Variants in DLGAP2 observed in about 807,000 individuals in gnomAD.
DLGAP2 encodes disks large-associated protein 2.
Under a neutral mutation model 100.3 loss-of-function variants are expected in DLGAP2, and 26 were observed. That is an observed-to-expected ratio of 0.26 (90% CI 0.19 to 0.36). The LOEUF is 0.36. Among genes scored for constraint, DLGAP2 ranks in the 10% least tolerant of loss-of-function variants. The pLI, the probability that DLGAP2 is intolerant of heterozygous loss-of-function variation, is 1.00. For missense variants in DLGAP2, 1,858 were observed against 1,453.2 expected (o/e 1.28, Z -4.53); for synonymous variants, 886 against 630.1 (o/e 1.41, Z -6.08).
intron 3 of DLGAP2, among the ~76,000 whole-genome samples, chr8:1,353,082 GA>G (rs1801771869): frequency 6.6e-6 from 1 of 152,162 alleles, no homozygotes; most frequent in Admixed American, 6.5e-5. Context: ...AAGAAACGAC[GA>G]AGGACCCCCC....
At chr8:1,319,107 C>T (rs146044840) in intron 3 of DLGAP2, among the ~76,000 whole-genome samples, 22 of 152,150 alleles carry the variant, frequency 1.4e-4, no homozygotes, top group South Asian at 2.1e-4. Context: ...CTGAGGTCTC[C>T]GAGGGCTGGA....
chr8:790,718 C>T (rs1470200315), intron 1 of DLGAP2, among the ~76,000 whole-genome samples: 1 of 152,170 alleles, frequency 6.6e-6, no homozygotes, highest in Non-Finnish European at 1.5e-5. Flanking sequence ...GGCTATTTCT[C>T]ATTTTCACCT....
At chr8:1,071,945 G>C (rs539053880) in intron 2 of DLGAP2, among the ~76,000 whole-genome samples, 1 of 152,204 alleles carries the variant, frequency 6.6e-6, no homozygotes, top group African/African-American at 2.4e-5. Context: ...GGGTGGTTTG[G>C]GTGCCGTGCT....
At chr8:1,410,097 C>A (rs1379009864) in intron 3 of DLGAP2, among the ~76,000 whole-genome samples, 1 of 152,154 alleles carries the variant, frequency 6.6e-6, no homozygotes, top group African/African-American at 2.4e-5. Context: ...GGTGTCCTCC[C>A]CAGGAATGCC....
chr8:1,640,250 G>A (rs746802940), intron 8 of DLGAP2, among the ~76,000 whole-genome samples: 4 of 152,112 alleles, frequency 2.6e-5, no homozygotes, highest in East Asian at 1.9e-4. Context: ...GCTGATGGAC[G>A]CTGTGTGCAG....
intron 1 of DLGAP2, among the ~76,000 whole-genome samples, chr8:762,889 G>GCA (rs993657799): frequency 3.3e-5 from 5 of 152,030 alleles, no homozygotes; most frequent in African/African-American, 1.2e-4. Flanking sequence ...TATTGCTCAG[G>GCA]CTGGTCTCCT....
At chr8:1,580,408 T>C (rs1286570954) in intron 6 of DLGAP2, among the ~76,000 whole-genome samples, 1 of 152,104 alleles carries the variant, frequency 6.6e-6, no homozygotes, top group Non-Finnish European at 1.5e-5. Context: ...GATAGGTTCA[T>C]GGAAATTACC....
intron 2 of DLGAP2, among the ~76,000 whole-genome samples, chr8:1,235,486 A>G (rs1215161759): frequency 1.2e-4 from 14 of 114,140 alleles, no homozygotes; most frequent in Admixed American, 1.7e-4. Flanking sequence ...CTAGTTCTCT[A>G]TCACACATAG....
intron 12 of DLGAP2, chr8:1,680,975 A>G (rs1476100417): frequency 6.6e-6 from 1 of 152,240 alleles, no homozygotes; most frequent in East Asian, 1.9e-4. Context: ...CCTGCATGTC[A>G]CTCAATCAAG....
At chr8:1,177,163 A>G (rs1453346907) in intron 2 of DLGAP2, among the ~76,000 whole-genome samples, 2 of 152,166 alleles carry the variant, frequency 1.3e-5, no homozygotes, top group Admixed American at 6.6e-5. Flanking sequence ...CCAGCACCCC[A>G]TGAATGAAGA....
chr8:1,624,352 C>T (rs1456934404), intron 6 of DLGAP2, among the ~76,000 whole-genome samples: 3 of 151,988 alleles, frequency 2.0e-5, no homozygotes, highest in South Asian at 2.1e-4. Context: ...AAGTTAAGAG[C>T]CTCAGTCAGG....
intron 1 of DLGAP2, among the ~76,000 whole-genome samples, chr8:752,143 C>G (rs993558273): frequency 6.6e-6 from 1 of 152,186 alleles, no homozygotes; most frequent in Non-Finnish European, 1.5e-5. Context: ...GCCTGCACCC[C>G]CTTCTCCCTT....
At chr8:1,368,276 GTGTA>G (rs760830267) in intron 3 of DLGAP2, among the ~76,000 whole-genome samples, 27 of 151,950 alleles carry the variant, frequency 1.8e-4, no homozygotes, top group African/African-American at 2.4e-4. Context: ...GCAGGTATGT[GTGTA>G]TGTGTGTGTA....
At chr8:1,586,688 G>A (rs1196420285) in intron 6 of DLGAP2, among the ~76,000 whole-genome samples, 1 of 152,222 alleles carries the variant, frequency 6.6e-6, no homozygotes, top group Non-Finnish European at 1.5e-5. Flanking sequence ...TCCTTCTGTG[G>A]CGGACTCTAG....
chr8:1,382,171 T>C (rs1384176978), intron 3 of DLGAP2, among the ~76,000 whole-genome samples: 1 of 152,226 alleles, frequency 6.6e-6, no homozygotes, highest in Admixed American at 6.5e-5. Flanking sequence ...GTTTGTTACA[T>C]GTATTACATG....
At chr8:809,795 G>T (rs1796338163) in intron 1 of DLGAP2, among the ~76,000 whole-genome samples, 1 of 152,162 alleles carries the variant, frequency 6.6e-6, no homozygotes, top group Admixed American at 6.6e-5. Context: ...TTCTCCCGGT[G>T]TCCTAAGGTG....
intron 3 of DLGAP2, among the ~76,000 whole-genome samples, chr8:1,332,825 C>T (rs1801188936): frequency 6.6e-6 from 1 of 152,160 alleles, no homozygotes; most frequent in Non-Finnish European, 1.5e-5. Context: ...ATCAGCGTAG[C>T]CGGGATGAAT....
At chr8:1,458,887 G>T (rs1798393460) in intron 3 of DLGAP2, among the ~76,000 whole-genome samples, 1 of 152,200 alleles carries the variant, frequency 6.6e-6, no homozygotes, top group Non-Finnish European at 1.5e-5. Context: ...TGTAGGCTGT[G>T]CTAGGGCCTC....
At position 1,626,796 on chromosome 8, in the gene DLGAP2, C is replaced by T; in HGVS notation, c.1499C>T (p.Ala500Val). 1 of 1,603,538 alleles carries T rather than the reference C, an allele frequency of 6.2e-7. No individual in the cohort carries two copies. The highest frequency in any genetic ancestry group is 8.5e-7 in the Non-Finnish European group (1 of 1,175,466). ...CCTGTGGGACACAGCCTGGACCCCG[C>T]TGCGAACTACAACTCCCCGAAATTC... Reference protein sequence around the residue: ...DVPVGHSLDPAANYNSPKFRS... With the variant: ...DVPVGHSLDPVANYNSPKFRS... The change falls in exon 7 of 15, where the codon GCT becomes GTT. Residue 500 changes from alanine (A) to valine (V), a missense_variant. By Grantham distance (64) the Ala-to-Val change is moderately conservative. Coordinates refer to ENST00000637795, the MANE Select transcript of DLGAP2 (RefSeq NM_001346810.2).
Sources: gnomAD v4.1 joint callset for allele counts (sites outside exome capture counted in the v4.1 genomes callset) on GRCh38, gnomAD v4.1.1 for gene constraint, MANE v1.5 for transcripts, NCBI Gene and HGNC (gene_info 2026-07-23, HGNC 2026-07-21) for gene names.